The following SGMS2 variants were observed in gnomAD, a reference collection of about 807,000 sequenced individuals.
SGMS2 encodes the protein phosphatidylcholine:ceramide cholinephosphotransferase 2.
In SGMS2, 21 loss-of-function variants were observed where a neutral mutation model predicts 43.8. The observed-to-expected ratio is 0.48, with a 90% CI of 0.34 to 0.69. SGMS2 has a LOEUF of 0.69. Ranked by LOEUF, SGMS2 falls within the 30% of genes least tolerant of loss-of-function variation. The probability of loss-of-function intolerance (pLI) is 0.01; values close to 1 mark genes in which losing one functional copy is unlikely to be tolerated. For missense variants in SGMS2, 384 were observed against 443.2 expected (o/e 0.87, Z 1.20); for synonymous variants, 167 against 160.6 (o/e 1.04, Z -0.30).
intron 1 of SGMS2, among the ~76,000 whole-genome samples, chr4:107,836,274 T>G (rs1255967647): frequency 6.6e-6 from 1 of 152,202 alleles, no homozygotes; most frequent in Non-Finnish European, 1.5e-5. Context: ...ATATCCCACA[T>G]AAATCTGAAG....
At chr4:107,866,161 G>T (rs749816115) in intron 2 of SGMS2, among the ~76,000 whole-genome samples, 1 of 152,166 alleles carries the variant, frequency 6.6e-6, no homozygotes, top group Non-Finnish European at 1.5e-5. Context: ...AGGGCATGTT[G>T]TAGGGGCCAT....
chr4:107,874,628 T>C (rs1221503583), intron 2 of SGMS2, among the ~76,000 whole-genome samples: 2 of 152,216 alleles, frequency 1.3e-5, no homozygotes, highest in Non-Finnish European at 2.9e-5. Context: ...ACAAACTTTC[T>C]AGTGAACATT....
In SGMS2 at chr4:107,911,313, T is replaced by G. The variant is rs953128006; in HGVS notation, c.*760T>G. On this transcript the variant is annotated 3_prime_UTR_variant, in exon 7 of 7. Transcript: ENST00000690982. ...GGAAACATGAGATGGTTTCTGCTAA[T>G]GAGTGGCCCTTGAGTACACACTTAG... 2.0e-5 allele frequency: 3 copies of G among 152,246 alleles called. No homozygotes were observed. Among genetic ancestry groups the G allele is most frequent in the Non-Finnish European group, 4.4e-5 (3 of 68,062 alleles). The allele number at this position is 152,246 out of a possible 1,614,324, so 9.4% of individuals were successfully genotyped here. A position where few individuals can be genotyped will look rare whatever the true frequency, so the allele number is the denominator to read the frequency against.
At chr4:107,845,128 C>T (rs1726740607) in intron 1 of SGMS2, among the ~76,000 whole-genome samples, 1 of 152,114 alleles carries the variant, frequency 6.6e-6, no homozygotes, top group Admixed American at 6.6e-5. Context: ...GCTGAATGCC[C>T]CAGGCCAGGG....
At chr4:107,877,326 C>T (rs1214203645) in intron 2 of SGMS2, among the ~76,000 whole-genome samples, 1 of 152,126 alleles carries the variant, frequency 6.6e-6, no homozygotes, top group African/African-American at 2.4e-5. Context: ...AGTTTTTCAA[C>T]ACCTCTCACT....
At chr4:107,866,512 G>A (rs937586851) in intron 2 of SGMS2, among the ~76,000 whole-genome samples, 6 of 151,932 alleles carry the variant, frequency 3.9e-5, no homozygotes, top group African/African-American at 1.5e-4. Flanking sequence ...GTTGCAGTGA[G>A]CTGAGATCGC....
chr4:107,899,269 T>C (rs907032853), intron 3 of SGMS2, among the ~76,000 whole-genome samples: 5 of 152,204 alleles, frequency 3.3e-5, no homozygotes, highest in African/African-American at 1.2e-4. Context: ...GAGAGGTGAC[T>C]ATGTAGACTC....
chr4:107,857,569 A>G (rs1727495124), intron 1 of SGMS2, among the ~76,000 whole-genome samples: 1 of 151,624 alleles, frequency 6.6e-6, no homozygotes. Flanking sequence ...CAAATCATAT[A>G]CATATATGCA....
At chr4:107,896,781 G>A (rs1325017209) in intron 3 of SGMS2, among the ~76,000 whole-genome samples, 1 of 152,084 alleles carries the variant, frequency 6.6e-6, no homozygotes, top group Non-Finnish European at 1.5e-5. Flanking sequence ...GCCCTGAAGT[G>A]GTTATTTCTG....
chr4:107,848,052 G>A (rs903942924), intron 1 of SGMS2, among the ~76,000 whole-genome samples: 3 of 152,106 alleles, frequency 2.0e-5, no homozygotes, highest in African/African-American at 7.2e-5. Context: ...TGCCCTAAAA[G>A]TCTGTGTTCT....
Position 107,895,855 on chromosome 4 carries a change from A to T in SGMS2, c.302A>T (p.His101Leu), listed in dbSNP as rs745911714. ...ACAACCGTCATGATCACAGTTGTAC[A>T]TGAGAGGGTCCCTCCCAAGGAGCTT... ...VLTTVMITVVHERVPPKELSP... is the reference protein window; with the variant it reads ...VLTTVMITVVLERVPPKELSP... The change falls in exon 3 of 7, where the codon CAT becomes CTT. Residue 101 changes from histidine (H) to leucine (L), a missense_variant. Physicochemically the swap from His to Leu is moderately conservative, Grantham distance 99. Coordinates refer to ENST00000690982, the MANE Select transcript of SGMS2 (RefSeq NM_001375905.1). 2 of 1,614,004 alleles carry T rather than the reference A, an allele frequency of 1.2e-6. No individual in the cohort carries two copies. The highest frequency in any genetic ancestry group is 1.1e-5 in the South Asian group (1 of 91,082).
intron 1 of SGMS2, among the ~76,000 whole-genome samples, chr4:107,857,294 G>A (rs546504386): frequency 6.6e-6 from 1 of 152,066 alleles, no homozygotes; most frequent in South Asian, 2.1e-4. Flanking sequence ...CCACTTTGGG[G>A]CCATTATGAA....
intron 2 of SGMS2, among the ~76,000 whole-genome samples, chr4:107,881,611 A>C (rs561830124): frequency 6.6e-6 from 1 of 152,320 alleles, no homozygotes; most frequent in Non-Finnish European, 1.5e-5. Context: ...TCTGTGATAA[A>C]CATTTCAGTT....
intron 1 of SGMS2, among the ~76,000 whole-genome samples, chr4:107,846,983 G>C (rs551878555): frequency 6.6e-6 from 1 of 152,004 alleles, no homozygotes; most frequent in African/African-American, 2.4e-5. Flanking sequence ...TTGTAAATTT[G>C]TTTGAGCTCA....
rs1732040129 is a variant in SGMS2 at position 107,910,544 on chromosome 4, A to G, written c.1089A>G (p.Lys363=). ...AGAAGATTGGTGAAGACAATGAGAAATCGACCTGAGGAGCAAAACAAAGGC... is the reference window on the plus strand; with the variant it reads ...AGAAGATTGGTGAAGACAATGAGAAGTCGACCTGAGGAGCAAAACAAAGGC... ...RVQKIGEDNE[K]ST Residue 363 remains lysine (K), a synonymous_variant, in exon 7 of 7, where the codon AAA becomes AAG. Transcript: ENST00000690982. 3 of 1,613,916 alleles carry G rather than the reference A, an allele frequency of 1.9e-6. No homozygotes were observed. Among genetic ancestry groups the G allele is most frequent in the African/African-American group, 2.7e-5 (2 of 75,054 alleles).
chr4:107,907,895 T>C (rs1407432422), intron 5 of SGMS2: 1 of 152,224 alleles, frequency 6.6e-6, no homozygotes, highest in African/African-American at 2.4e-5. Context: ...CACAGTTGTC[T>C]CTTACAGCTA....
At position 107,910,493 on chromosome 4, in the gene SGMS2, A is replaced by C. The variant is rs769761528; in HGVS notation, c.1038A>C (p.Ser346=). ...CTTGGCCTCCTGGCTGCTTCAAATCATCATGCAAAAAGTATTCACGGGTTC... is the reference window on the plus strand; with the variant it reads ...CTTGGCCTCCTGGCTGCTTCAAATCCTCATGCAAAAAGTATTCACGGGTTC... The part of the protein sequence containing the change: ...PLSWPPGCFK[S]SCKKYSRVQK... Residue 346 remains serine, a synonymous_variant, in exon 7 of 7, where the codon TCA becomes TCC. Coordinates refer to ENST00000690982, the MANE Select transcript of SGMS2 (RefSeq NM_001375905.1). The C allele has an allele frequency of 3.7e-6, 6 of 1,613,934 alleles. No individual in the cohort carries two copies. The highest frequency in any genetic ancestry group is 5.1e-6 in the Non-Finnish European group (6 of 1,179,996).
At chr4:107,830,912 A>G (rs1324896020) in intron 1 of SGMS2, among the ~76,000 whole-genome samples, 2 of 152,228 alleles carry the variant, frequency 1.3e-5, no homozygotes, top group African/African-American at 4.8e-5. Flanking sequence ...CTCCAAACAC[A>G]GAAGATGGAG....
In SGMS2 at chr4:107,908,698, G is replaced by A. The variant is rs761684998; in HGVS notation, c.861G>A (p.Leu287=). Reference sequence around the variant, plus strand: ...TTGCTTATTATATCACAACACGACTGTTTTGGTGGTACCATTCAATGGCCA... The same window carrying A: ...TTGCTTATTATATCACAACACGACTATTTTGGTGGTACCATTCAATGGCCA... ...VIIAYYITTR[L]FWWYHSMANE... Residue 287 remains leucine, a synonymous_variant, in exon 6 of 7, where the codon CTG becomes CTA. Transcript: ENST00000690982. The A allele has an allele frequency of 2.5e-6, 4 of 1,613,872 alleles. No individual in the cohort carries two copies. The highest frequency in any genetic ancestry group is 2.5e-6 in the Non-Finnish European group (3 of 1,179,892).
Sources: allele counts gnomAD v4.1 joint callset (sites outside exome capture counted in the v4.1 genomes callset), GRCh38; gene constraint gnomAD v4.1.1; transcripts MANE v1.5; gene names NCBI Gene and HGNC (gene_info 2026-07-23, HGNC 2026-07-21).